AK4: variants seen among roughly 807,000 people sequenced by gnomAD.
The protein encoded by AK4 is adenylate kinase 4, also known as adenylate kinase 4, mitochondrial.
Under a neutral mutation model 24.6 loss-of-function variants are expected in AK4, and 13 were observed. The observed-to-expected ratio is 0.53, with a 90% CI of 0.34 to 0.84. AK4 has a LOEUF of 0.84. Ranked by LOEUF, AK4 falls within the 40% of genes least tolerant of loss-of-function variation. The pLI, the probability that AK4 is intolerant of heterozygous loss-of-function variation, is 0.01. For missense variants in AK4, 192 were observed against 288.2 expected, an observed-to-expected ratio of 0.67 and a Z score of 2.42; for synonymous variants, 88 against 107.0, an observed-to-expected ratio of 0.82 and a Z score of 1.10.
chr1:65,165,563 A>G (rs111481289), intron 1 of AK4, among the ~76,000 whole-genome samples: 2 of 105,334 alleles, frequency 1.9e-5, no homozygotes, highest in African/African-American at 1.2e-4. Flanking sequence ...CATGTCTGGA[A>G]AAAAAAAAAA....
intron 2 of AK4, among the ~76,000 whole-genome samples, chr1:65,209,054 C>T (rs533745050): frequency 6.6e-6 from 1 of 152,134 alleles, no homozygotes; most frequent in African/African-American, 2.4e-5. Flanking sequence ...AAGACAGATT[C>T]TGGAAGAAAT....
intron 1 of AK4, among the ~76,000 whole-genome samples, chr1:65,171,284 T>C (rs1650513676): frequency 6.8e-6 from 1 of 146,726 alleles, no homozygotes; most frequent in Non-Finnish European, 1.5e-5. Flanking sequence ...AGACTTATTC[T>C]GTGTTTCAGA....
intron 1 of AK4, among the ~76,000 whole-genome samples, chr1:65,184,028 C>T (rs186805705): frequency 3.7e-4 from 57 of 152,090 alleles, no homozygotes; most frequent in African/African-American, 1.3e-3. Context: ...ATTTTAAATG[C>T]GGTATTATCT....
upstream of AK4, chr1:65,147,816 C>T (rs1028252656): frequency 6.5e-6 from 1 of 152,672 alleles, no homozygotes; most frequent in Non-Finnish European, 1.5e-5. Context: ...AGCTGAGACT[C>T]CGGGGGATGT....
chr1:65,189,960 G>A (rs1377102991), intron 1 of AK4, among the ~76,000 whole-genome samples: 3 of 152,174 alleles, frequency 2.0e-5, no homozygotes, highest in Non-Finnish European at 4.4e-5. Context: ...TTTGTATTAT[G>A]TGGCATTCTT....
In AK4 at chr1:65,148,335, C is replaced by CA. The variant is rs1649634648; in HGVS notation, c.-70dup. On this transcript the variant is annotated 5_prime_UTR_variant, in exon 1 of 5. Transcript: ENST00000327299. Reference sequence around the variant, plus strand: ...GTGCCAGAGGTAGGGGGCCGAGAAACAAAGTTCCCGGGGCTTCCTCCGGGG... The same window carrying CA: ...GTGCCAGAGGTAGGGGGCCGAGAAACAAAAGTTCCCGGGGCTTCCTCCGGGG... The CA allele has an allele frequency of 6.8e-7, 1 of 1,479,922 alleles. No homozygotes were observed. The highest frequency in any genetic ancestry group is 1.5e-5 in the African/African-American group (1 of 68,696). 91.7% of individuals were successfully genotyped at this position (1,479,922 alleles called of 1,614,324 possible). A position where few individuals can be genotyped will look rare whatever the true frequency, so the allele number is the denominator to read the frequency against.
At chr1:65,201,549 A>AT (rs1256318119) in intron 2 of AK4, among the ~76,000 whole-genome samples, 3 of 152,206 alleles carry the variant, frequency 2.0e-5, no homozygotes, top group African/African-American at 4.8e-5. Flanking sequence ...TTGAGTATAC[A>AT]TTTTTTGTGT....
At position 65,220,916 on chromosome 1, in the gene AK4, G is replaced by A. The variant is rs1652276741; in HGVS notation, c.438+1990G>A. 3.9e-5 allele frequency among the ~76,000 whole-genome samples: 6 copies of A among 152,134 alleles called. No homozygotes were observed. In the South Asian group the frequency reaches 1.2e-3, roughly 32 times the overall value. On this transcript the variant is annotated intron_variant, in intron 3 of 4. Coordinates refer to ENST00000327299, the MANE Select transcript of AK4 (RefSeq NM_013410.4). ...TTTATAAGATCAGGGAGAAAGTCATGAGGGCTGTATCCTGGGCTGGAACTG... is the reference window on the plus strand; with the variant it reads ...TTTATAAGATCAGGGAGAAAGTCATAAGGGCTGTATCCTGGGCTGGAACTG...
At chr1:65,189,521 G>C (rs956317730) in intron 1 of AK4, among the ~76,000 whole-genome samples, 11 of 152,016 alleles carry the variant, frequency 7.2e-5, no homozygotes, top group African/African-American at 2.7e-4. Context: ...CAGGTGATCT[G>C]CCTGCCTCGG....
intron 2 of AK4, among the ~76,000 whole-genome samples, chr1:65,202,120 G>A (rs1466561570): frequency 6.6e-6 from 1 of 152,140 alleles, no homozygotes. Context: ...TGGATTGGCC[G>A]GGCGTGGTGG....
intron 2 of AK4, among the ~76,000 whole-genome samples, chr1:65,207,935 T>G (rs1207538648): frequency 1.3e-5 from 2 of 152,224 alleles, no homozygotes; most frequent in African/African-American, 4.8e-5. Flanking sequence ...CATTTCTTTA[T>G]CCAGTCCATC....
At chr1:65,185,326 G>A (rs570168102) in intron 1 of AK4, among the ~76,000 whole-genome samples, 2 of 152,214 alleles carry the variant, frequency 1.3e-5, no homozygotes, top group East Asian at 3.9e-4. Context: ...TAGTCCCTAC[G>A]ATTTCAGTAG....
intron 2 of AK4, among the ~76,000 whole-genome samples, chr1:65,214,242 C>T (rs113749600): frequency 0.037 from 5,669 of 152,228 alleles, 167 homozygotes; most frequent in South Asian, 0.088. Flanking sequence ...TCCTGAGTAG[C>T]TGAGATTACA....
intron 2 of AK4, among the ~76,000 whole-genome samples, chr1:65,217,221 C>A (rs1448849350): frequency 6.6e-6 from 1 of 152,196 alleles, no homozygotes; most frequent in Non-Finnish European, 1.5e-5. Flanking sequence ...AGTGAGCACT[C>A]AAATCAGCTT....
chr1:65,205,786 A>AT (rs2101063794), intron 2 of AK4, among the ~76,000 whole-genome samples: 1 of 152,054 alleles, frequency 6.6e-6, no homozygotes, highest in African/African-American at 2.4e-5. Context: ...TCTATTGACT[A>AT]TTTTTTGTCT....
rs368869264 is a variant in AK4 at position 65,181,152 on chromosome 1, G to GGT, written c.146-9552_146-9551dup. ...AACAAAAAGAGGATACAGATGTGTGGGTGTGTGGGTGCTAGAAACAATAAC... is the reference window on the plus strand; with the variant it reads ...AACAAAAAGAGGATACAGATGTGTGGGTGTGTGTGGGTGCTAGAAACAATAAC... On this transcript the variant is annotated intron_variant, in intron 1 of 4. Transcript: ENST00000327299. 3.7e-4 allele frequency among the ~76,000 whole-genome samples: 55 copies of GGT among 149,838 alleles called. 1 individual carries two copies. In the East Asian group the frequency reaches 0.011, roughly 29 times the overall value.
intron 2 of AK4, among the ~76,000 whole-genome samples, chr1:65,201,927 T>G (rs1290122619): frequency 6.6e-6 from 1 of 152,112 alleles, no homozygotes; most frequent in Non-Finnish European, 1.5e-5. Context: ...TATGAGCAGA[T>G]GAGGCTGGAC....
In AK4 at chr1:65,148,455, G is replaced by A; in HGVS notation, c.48G>A (p.Ser16=). 6.4e-7 allele frequency: 1 copy of A among 1,569,998 alleles called. No individual in the cohort carries two copies. Among genetic ancestry groups the A allele is most frequent in the Non-Finnish European group, 8.6e-7 (1 of 1,158,856 alleles). ...LRAVILGPPG[S]GKGTVCQRIA... is the part of the protein sequence containing the mutation. The stretch of plus-strand genomic sequence containing the variant: ...CGGTCATCCTCGGGCCGCCCGGCTC[G>A]GGCAAGGGCACCGTGTGCCAGAGGA... Residue 16 remains serine, a synonymous_variant, in exon 1 of 5, where the codon TCG becomes TCA. Coordinates refer to ENST00000327299, the MANE Select transcript of AK4 (RefSeq NM_013410.4).
chr1:65,183,837 A>G (rs1439606119), intron 1 of AK4, among the ~76,000 whole-genome samples: 2 of 152,120 alleles, frequency 1.3e-5, no homozygotes, highest in Non-Finnish European at 2.9e-5. Context: ...AGCAGTTGAC[A>G]GTGTTTTGGC....
Sources: gnomAD v4.1 joint callset for allele counts (sites outside exome capture counted in the v4.1 genomes callset) on GRCh38, gnomAD v4.1.1 for gene constraint, MANE v1.5 for transcripts, NCBI Gene and HGNC (gene_info 2026-07-23, HGNC 2026-07-21) for gene names.